The following PALS1 variants were observed in gnomAD, a reference collection of about 807,000 sequenced individuals.
The protein encoded by PALS1 is protein associated with LIN7 1, MAGUK p55 family member.
PALS1 carries 31 observed loss-of-function variants against 78.9 expected under a neutral mutation model. The observed-to-expected ratio is 0.39, with a 90% CI of 0.30 to 0.53. The LOEUF is 0.53. Among genes scored for constraint, PALS1 ranks in the 20% least tolerant of loss-of-function variants. The pLI is 0.67. For synonymous variants in PALS1, 276 were observed against 270.9 expected (o/e 1.02, Z -0.18); for missense variants, 704 against 826.5 (o/e 0.85, Z 1.82).
rs568332717 is a variant in PALS1, at chr14:67,307,248, A to T, written c.1041+3649A>T. ...ACAGTTTCCTTCTCTCGGCCTTTTT[A>T]AAAAAAGGAAGGATTGGATTTCCCA... On this transcript the variant is annotated intron_variant, in intron 8 of 14. Transcript: ENST00000261681. Among the ~76,000 whole-genome samples, 3 of 143,226 alleles carry T rather than the reference A, an allele frequency of 2.1e-5. No homozygotes were observed. The South Asian group carries it at 6.4e-4, about 30-fold the overall frequency. The allele number at this position is 143,226 out of a possible 152,430, so 94.0% of individuals were successfully genotyped here.
At chr14:67,291,223 G>A (rs1203220466) in intron 3 of PALS1, among the ~76,000 whole-genome samples, 1 of 148,868 alleles carries the variant, frequency 6.7e-6, no homozygotes, top group Non-Finnish European at 1.5e-5. Flanking sequence ...GCAGGGAAGA[G>A]ACTACCAGTG....
At chr14:67,307,220 C>T (rs950865112) in intron 8 of PALS1, among the ~76,000 whole-genome samples, 7 of 152,098 alleles carry the variant, frequency 4.6e-5, no homozygotes, top group African/African-American at 7.2e-5. Context: ...ATTATTCAAA[C>T]GTACAGTTTC....
chr14:67,287,499 T>A (rs1048293279), intron 3 of PALS1, among the ~76,000 whole-genome samples: 4 of 152,184 alleles, frequency 2.6e-5, no homozygotes, highest in Non-Finnish European at 1.5e-5. Flanking sequence ...TGGCTATAAC[T>A]TGTAAAAATA....
rs1295492038 is a variant in PALS1 at position 67,335,185 on chromosome 14, A to G, written c.*2229A>G. The G allele has an allele frequency of 6.6e-6, 1 of 152,248 alleles. No homozygotes were observed. The highest frequency in any genetic ancestry group is 2.4e-5 in the African/African-American group (1 of 41,470). The allele number at this position is 152,248 out of a possible 1,614,324, so 9.4% of individuals were successfully genotyped here. ...TCTCCCCTTCCTCATCAGCAATGGTAGATAGAAATGTCCTAAACTTTTCTA... is the reference window on the plus strand; with the variant it reads ...TCTCCCCTTCCTCATCAGCAATGGTGGATAGAAATGTCCTAAACTTTTCTA... On this transcript the variant is annotated 3_prime_UTR_variant, in exon 15 of 15. Coordinates refer to ENST00000261681, the MANE Select transcript of PALS1 (RefSeq NM_022474.4).
chr14:67,325,852 A>G (rs2085345131), intron 14 of PALS1, among the ~76,000 whole-genome samples: 1 of 150,794 alleles, frequency 6.6e-6, no homozygotes, highest in Non-Finnish European at 1.5e-5. Context: ...TCTGTCGCCC[A>G]GGCTGGAATG....
intron 1 of PALS1, among the ~76,000 whole-genome samples, chr14:67,269,373 C>T (rs1489204961): frequency 6.6e-6 from 1 of 151,586 alleles, no homozygotes; most frequent in African/African-American, 2.4e-5. Context: ...TTTTATTTCT[C>T]TTGATTTATA....
chr14:67,308,930 A>G (rs2085049534), intron 8 of PALS1, among the ~76,000 whole-genome samples: 1 of 152,110 alleles, frequency 6.6e-6, no homozygotes, highest in Non-Finnish European at 1.5e-5. Flanking sequence ...ATGTAAATAA[A>G]CTGATGAATC....
intron 7 of PALS1, 127 bp downstream of exon 7, chr14:67,302,698 G>A: frequency 1.4e-6 from 1 of 703,118 alleles, no homozygotes; most frequent in Non-Finnish European, 2.1e-6. Flanking sequence ...TTTCCATGAT[G>A]TAACTGTTCC....
At chr14:67,315,184 T>G (rs1013785705) in intron 9 of PALS1, among the ~76,000 whole-genome samples, 1 of 152,006 alleles carries the variant, frequency 6.6e-6, no homozygotes, top group Non-Finnish European at 1.5e-5. Flanking sequence ...CAGAAGTACA[T>G]CATTGTAATG....
intron 3 of PALS1, 115 bp downstream of exon 3, chr14:67,279,652 C>G: frequency 9.7e-7 from 1 of 1,033,180 alleles, no homozygotes; most frequent in East Asian, 2.7e-5. Flanking sequence ...AGTTTGAATT[C>G]CAGACCAAGA....
chr14:67,245,775 T>G (rs2083977683), intron 1 of PALS1, among the ~76,000 whole-genome samples: 1 of 152,196 alleles, frequency 6.6e-6, no homozygotes, highest in Non-Finnish European at 1.5e-5. Flanking sequence ...ATTTTATATT[T>G]TGAGAAAGTC....
chr14:67,300,679 C>T (rs1354783410), intron 4 of PALS1, among the ~76,000 whole-genome samples: 1 of 151,814 alleles, frequency 6.6e-6, no homozygotes, highest in East Asian at 1.9e-4. Flanking sequence ...TAGTAGGTGC[C>T]ATTCTAAAGA....
intron 3 of PALS1, among the ~76,000 whole-genome samples, chr14:67,290,677 C>T (rs1325907850): frequency 1.3e-5 from 2 of 152,142 alleles, no homozygotes; most frequent in Admixed American, 6.5e-5. Flanking sequence ...GGAACACAGG[C>T]GTGAGCCACT....
At chr14:67,279,601 A>C in intron 3 of PALS1, 64 bp downstream of exon 3, 1 of 1,416,488 alleles carries the variant, frequency 7.1e-7, no homozygotes, top group Non-Finnish European at 9.4e-7. Context: ...CTTATAATGT[A>C]TATGAGAAGG....
chr14:67,245,594 C>T (rs1247026053), intron 1 of PALS1, among the ~76,000 whole-genome samples: 1 of 152,066 alleles, frequency 6.6e-6, no homozygotes, highest in Non-Finnish European at 1.5e-5. Flanking sequence ...TCAAGTGATT[C>T]TCCTGCCTCA....
intron 2 of PALS1, chr14:67,272,131 T>C (rs916323697): frequency 1.5e-4 from 23 of 152,218 alleles, no homozygotes; most frequent in Non-Finnish European, 2.9e-4. Flanking sequence ...ATAATTAAAT[T>C]TGTATACAAA....
chr14:67,308,522 C>G (rs2085041647), intron 8 of PALS1, among the ~76,000 whole-genome samples: 1 of 150,410 alleles, frequency 6.6e-6, no homozygotes, highest in Non-Finnish European at 1.5e-5. Context: ...TAGATCAGCA[C>G]TCTCCAAATA....
rs369070846 is a variant in PALS1, at chr14:67,273,343, A to G, written c.-154+3560A>G. 3.7e-4 allele frequency among the ~76,000 whole-genome samples: 56 copies of G among 151,820 alleles called. No homozygotes were observed. In the East Asian group the frequency reaches 4.1e-3, roughly 11 times the overall value. ...TGTGTCCAAGTGTTCTCATTTTTCA[A>G]TTCCCACCTATGAGTGAGAACATGC... is the stretch of plus-strand genomic sequence containing the variant. On this transcript the variant is annotated intron_variant, in intron 2 of 14. Coordinates refer to ENST00000261681, the MANE Select transcript of PALS1 (RefSeq NM_022474.4).
At chr14:67,295,104 A>AGTGTGTGTGTGTGTGTGTGTGTGTGT (rs10646700) in intron 4 of PALS1, 2 of 138,012 alleles carry the variant, frequency 1.4e-5, no homozygotes, top group African/African-American at 5.8e-5. Flanking sequence ...GAGATATTGA[A>AGTGTGTGTGTGTGTGTGTGTGTGTGT]GTGTGTGTGT....
Sources: gnomAD v4.1 joint callset for allele counts (sites outside exome capture counted in the v4.1 genomes callset) on GRCh38, gnomAD v4.1.1 for gene constraint, MANE v1.5 for transcripts, NCBI Gene and HGNC (gene_info 2026-07-23, HGNC 2026-07-21) for gene names.